GRID2: variants seen among roughly 807,000 people sequenced by gnomAD.
GRID2 encodes the protein glutamate receptor ionotropic, delta-2.
GRID2 carries 33 observed loss-of-function variants against 114.8 expected under a neutral mutation model. The observed-to-expected ratio is 0.29, with a 90% confidence interval of 0.22 to 0.38. GRID2 has a LOEUF of 0.38. GRID2 is among the 10% of genes least tolerant of loss of function. The pLI is 1.00. For missense variants in GRID2, 1,184 were observed against 1,257.7 expected (o/e 0.94, Z 0.89); for synonymous variants, 505 against 449.9 (o/e 1.12, Z -1.55).
chr4:93,200,459 G>A (rs1359322400), intron 4 of GRID2, among the ~76,000 whole-genome samples: 1 of 151,964 alleles, frequency 6.6e-6, no homozygotes, highest in African/African-American at 2.4e-5. Flanking sequence ...CCAGCTACTC[G>A]GGAGGCTGAG....
intron 2 of GRID2, among the ~76,000 whole-genome samples, chr4:92,658,722 C>T (rs1200339649): frequency 6.6e-6 from 1 of 151,118 alleles, no homozygotes; most frequent in Non-Finnish European, 1.5e-5. Flanking sequence ...TACTCATTTA[C>T]ACCATTCCTT....
At chr4:93,104,049 G>A (rs138288478) in intron 3 of GRID2, among the ~76,000 whole-genome samples, 7 of 151,842 alleles carry the variant, frequency 4.6e-5, no homozygotes, top group Middle Eastern at 6.8e-3. Context: ...TTCTCTCCCC[G>A]GCTAGTAGTC....
intron 1 of GRID2, among the ~76,000 whole-genome samples, chr4:92,387,987 A>G (rs1730056566): frequency 6.6e-6 from 1 of 152,076 alleles, no homozygotes; most frequent in African/African-American, 2.4e-5. Context: ...ATGCTCAATA[A>G]TAGAATAACA....
intron 14 of GRID2, among the ~76,000 whole-genome samples, chr4:93,644,026 C>T (rs12641497): frequency 0.23 from 18,684 of 82,590 alleles, 5,204 homozygotes; most frequent in Non-Finnish European, 0.29. Flanking sequence ...TGCGCCGTTT[C>T]TTAAGCCGGT....
intron 14 of GRID2, among the ~76,000 whole-genome samples, chr4:93,712,735 T>A (rs1012532531): frequency 6.6e-6 from 1 of 152,196 alleles, no homozygotes; most frequent in African/African-American, 2.4e-5. Context: ...TGAAAATACA[T>A]TGATTTATGA....
intron 14 of GRID2, among the ~76,000 whole-genome samples, chr4:93,762,735 A>G (rs1345256013): frequency 6.6e-6 from 1 of 152,178 alleles, no homozygotes; most frequent in Non-Finnish European, 1.5e-5. Context: ...ACCTCAGATC[A>G]TTAAGAATGC....
intron 13 of GRID2, among the ~76,000 whole-genome samples, chr4:93,521,053 G>A (rs1730289176): frequency 6.6e-6 from 1 of 152,110 alleles, no homozygotes; most frequent in Admixed American, 6.6e-5. Context: ...AACATATTTT[G>A]AAGGTAGCAC....
chr4:93,134,151 G>A (rs946254932), intron 4 of GRID2, among the ~76,000 whole-genome samples: 1 of 152,238 alleles, frequency 6.6e-6, no homozygotes, highest in African/African-American at 2.4e-5. Flanking sequence ...CATTGAAAAT[G>A]TGGGTCATCT....
At chr4:92,658,793 G>GTGTATATATATATATATATA (rs1732373087) in intron 2 of GRID2, among the ~76,000 whole-genome samples, 1 of 132,388 alleles carries the variant, frequency 7.6e-6, no homozygotes, top group Non-Finnish European at 1.6e-5. Context: ...GTGTGTGTGT[G>GTGTATATATATATATATATA]TATATATATA....
chr4:92,704,426 T>G (rs1734840457), intron 2 of GRID2, among the ~76,000 whole-genome samples: 1 of 152,222 alleles, frequency 6.6e-6, no homozygotes, highest in Middle Eastern at 3.2e-3. Context: ...TTTGTCATTT[T>G]GTTTTGTTAA....
intron 8 of GRID2, among the ~76,000 whole-genome samples, chr4:93,334,455 A>G (rs1436802693): frequency 6.6e-6 from 1 of 152,334 alleles, no homozygotes; most frequent in East Asian, 1.9e-4. Context: ...GACAATTTAT[A>G]TGGATCACTA....
intron 2 of GRID2, among the ~76,000 whole-genome samples, chr4:92,676,962 C>G (rs777062040): frequency 6.6e-6 from 1 of 152,000 alleles, no homozygotes; most frequent in Non-Finnish European, 1.5e-5. Flanking sequence ...GAAATTCTGA[C>G]ACATGCTAAA....
Position 92,732,457 on chromosome 4 carries a change from C to A in GRID2, c.244+142171C>A, listed in dbSNP as rs532110506. Among the ~76,000 whole-genome samples the A allele has an allele frequency of 5.9e-5, 9 of 151,870 alleles. No homozygotes were observed. In the South Asian group the frequency reaches 1.9e-3, roughly 32 times the overall value. ...ACAAGCACCTGCATTCAAAGAACTC[C>A]CAGGTAAATCAGCACTTGTCATGAA... On this transcript the variant is annotated intron_variant, in intron 2 of 15. Transcript: ENST00000282020.
chr4:93,261,387 C>T (rs2149549947), intron 8 of GRID2, among the ~76,000 whole-genome samples: 1 of 151,958 alleles, frequency 6.6e-6, no homozygotes. Context: ...AAGTCATGTA[C>T]ACAATCTAAC....
intron 12 of GRID2, among the ~76,000 whole-genome samples, chr4:93,501,391 G>A (rs999631253): frequency 6.6e-6 from 1 of 151,952 alleles, no homozygotes; most frequent in Admixed American, 6.6e-5. Context: ...AGCGAGGGCT[G>A]GCTCATACTG....
rs1246113430 is a variant in GRID2 at position 93,466,036 on chromosome 4, ACTT to A, written c.1858+10063_1858+10065del. On this transcript the variant is annotated intron_variant, in intron 11 of 15. Coordinates refer to ENST00000282020, the MANE Select transcript of GRID2 (RefSeq NM_001510.4). ...AGTAAATTCTTTGGGGCTCATAAAG[ACTT>A]AGGTTTTGGGGGGATTAATGTCCTA... is the stretch of plus-strand genomic sequence containing the variant. Among the ~76,000 whole-genome samples the A allele has an allele frequency of 9.9e-4, 150 of 152,260 alleles. 1 individual carries two copies. The highest frequency in any genetic ancestry group is 3.5e-3 in the African/African-American group (147 of 41,554).
rs1758592003 is a variant in GRID2, at chr4:93,332,369, T to C, written c.1246-63238T>C. Among the ~76,000 whole-genome samples the C allele has an allele frequency of 3.3e-5, 5 of 151,618 alleles. No homozygotes were observed. The South Asian group carries it at 8.3e-4, about 25-fold the overall frequency. ...CCTACTTCCAGTTGGTTCTAAGTCC[T>C]AGCTGCATCCTGTCATACATATGTG... On this transcript the variant is annotated intron_variant, in intron 8 of 15. Coordinates refer to ENST00000282020, the MANE Select transcript of GRID2 (RefSeq NM_001510.4).
At chr4:93,038,650 G>A (rs1725168081) in intron 2 of GRID2, among the ~76,000 whole-genome samples, 1 of 152,052 alleles carries the variant, frequency 6.6e-6, no homozygotes, top group Non-Finnish European at 1.5e-5. Context: ...AATTAGCCAG[G>A]CGTGGTGGTG....
chr4:92,673,041 T>C (rs1733154085), intron 2 of GRID2, among the ~76,000 whole-genome samples: 1 of 152,140 alleles, frequency 6.6e-6, no homozygotes, highest in South Asian at 2.1e-4. Flanking sequence ...ACATTTTAGC[T>C]CCCACAAATA....
Sources: gnomAD v4.1 joint callset for allele counts (sites outside exome capture counted in the v4.1 genomes callset) on GRCh38, gnomAD v4.1.1 for gene constraint, MANE v1.5 for transcripts, NCBI Gene and HGNC (gene_info 2026-07-23, HGNC 2026-07-21) for gene names.